The following SPIDR variants were observed in gnomAD, a reference collection of about 807,000 sequenced individuals.
SPIDR encodes the protein scaffold protein involved in DNA repair, also known as DNA repair-scaffolding protein.
SPIDR carries 93 observed loss-of-function variants against 104.6 expected under a neutral mutation model. The ratio of observed to expected loss-of-function variants is 0.89; its 90% CI spans 0.75 to 1.06. SPIDR has a LOEUF of 1.06. Ranked by LOEUF, SPIDR falls within the 50% of genes least tolerant of loss-of-function variation. The pLI, the probability that SPIDR is intolerant of heterozygous loss-of-function variation, is 0.00. For missense variants in SPIDR, 1,154 were observed against 1,111.2 expected, an observed-to-expected ratio of 1.04 and a Z score of -0.55; for synonymous variants, 431 against 416.9, an observed-to-expected ratio of 1.03 and a Z score of -0.41.
At chr8:47,420,170 T>C (rs1303983002) in intron 7 of SPIDR, among the ~76,000 whole-genome samples, 2 of 152,280 alleles carry the variant, frequency 1.3e-5, no homozygotes, top group East Asian at 3.9e-4. Flanking sequence ...TGGGTATCCT[T>C]GTTAACTTTG....
intron 14 of SPIDR, 145 bp downstream of exon 14, chr8:47,702,160 T>G: frequency 1.0e-6 from 1 of 1,003,092 alleles, no homozygotes; most frequent in South Asian, 1.4e-5. Context: ...TATTAAAGGG[T>G]AATCTCCTTT....
At chr8:47,268,061 G>T (rs2034467166) in intron 1 of SPIDR, among the ~76,000 whole-genome samples, 1 of 152,178 alleles carries the variant, frequency 6.6e-6, no homozygotes, top group African/African-American at 2.4e-5. Flanking sequence ...TGGATACCCA[G>T]TTGTTTCAAC....
At chr8:47,290,468 T>C (rs966171108) in intron 3 of SPIDR, among the ~76,000 whole-genome samples, 3 of 152,156 alleles carry the variant, frequency 2.0e-5, no homozygotes, top group South Asian at 2.1e-4. Flanking sequence ...TTGCAAGATA[T>C]TACCATTGGA....
chr8:47,526,014 G>A (rs181290099), intron 8 of SPIDR, among the ~76,000 whole-genome samples: 1 of 152,240 alleles, frequency 6.6e-6, no homozygotes, highest in African/African-American at 2.4e-5. Context: ...GTGTGGATCA[G>A]AAGGAATCCA....
intron 8 of SPIDR, among the ~76,000 whole-genome samples, chr8:47,573,530 G>T (rs945976227): frequency 1.3e-5 from 2 of 152,148 alleles, no homozygotes; most frequent in East Asian, 3.9e-4. Flanking sequence ...ACATGATGTC[G>T]GAGACCAGGG....
intron 7 of SPIDR, among the ~76,000 whole-genome samples, chr8:47,432,083 A>G (rs1336588117): frequency 6.6e-6 from 1 of 152,224 alleles, no homozygotes; most frequent in Non-Finnish European, 1.5e-5. Flanking sequence ...ATCATTAATA[A>G]CACAATCAAT....
intron 5 of SPIDR, among the ~76,000 whole-genome samples, chr8:47,301,146 A>G (rs2042010112): frequency 6.6e-6 from 1 of 152,162 alleles, no homozygotes. Context: ...TTGGGTGCAT[A>G]TATATTTAGG....
chr8:47,660,474 G>C (rs2073926615), intron 10 of SPIDR: 1 of 985,442 alleles, frequency 1.0e-6, no homozygotes, highest in East Asian at 1.1e-4. Context: ...GAAATGCACA[G>C]AATCAAAGTC....
chr8:47,442,385 A>G (rs1585775207), intron 8 of SPIDR, among the ~76,000 whole-genome samples: 1 of 152,238 alleles, frequency 6.6e-6, no homozygotes, highest in East Asian at 1.9e-4. Flanking sequence ...AATCCTGCCT[A>G]TTTTTCTATA....
rs1187910856 is a variant in SPIDR at position 47,585,419 on chromosome 8, ATT to A, written c.1098-10387_1098-10386del. ...GATTGATTAATGTTATACAATGTCT[ATT>A]TTTTATTAAATTTTTTATTTTTAGA... On this transcript the variant is annotated intron_variant, in intron 8 of 19. Coordinates refer to ENST00000297423, the MANE Select transcript of SPIDR (RefSeq NM_001080394.4). 2.6e-5 allele frequency among the ~76,000 whole-genome samples: 4 copies of A among 152,274 alleles called. No homozygotes were observed. The East Asian group carries it at 7.7e-4, about 29-fold the overall frequency.
At chr8:47,276,416 T>C (rs2036436846) in intron 1 of SPIDR, among the ~76,000 whole-genome samples, 1 of 152,188 alleles carries the variant, frequency 6.6e-6, no homozygotes, top group African/African-American at 2.4e-5. Context: ...ATATTTCTCT[T>C]TGTACATTAC....
chr8:47,655,224 T>C (rs2072520776), intron 10 of SPIDR, among the ~76,000 whole-genome samples: 1 of 152,164 alleles, frequency 6.6e-6, no homozygotes, highest in African/African-American at 2.4e-5. Flanking sequence ...TGATTTATAA[T>C]CCTTTGGGTA....
chr8:47,697,363 A>G (rs2079487130), intron 11 of SPIDR, among the ~76,000 whole-genome samples: 1 of 152,184 alleles, frequency 6.6e-6, no homozygotes, highest in South Asian at 2.1e-4. Context: ...ATTGTGGTAA[A>G]ATAACATACT....
At chr8:47,453,215 A>T (rs537943227) in intron 8 of SPIDR, among the ~76,000 whole-genome samples, 3 of 152,326 alleles carry the variant, frequency 2.0e-5, no homozygotes, top group African/African-American at 7.2e-5. Flanking sequence ...ATAAAAGAGG[A>T]TACAGACAAA....
rs147684232 is a variant in SPIDR, at chr8:47,365,905, A to G, written c.526-30471A>G. On this transcript the variant is annotated intron_variant, in intron 5 of 19. Transcript: ENST00000297423. Reference sequence around the variant, plus strand: ...GAAAAAAGAAAAGCAAAATGCATTTAATTTCTTGTGTGTGCTGCATAAATG... The same window carrying G: ...GAAAAAAGAAAAGCAAAATGCATTTGATTTCTTGTGTGTGCTGCATAAATG... Among the ~76,000 whole-genome samples the G allele has an allele frequency of 3.3e-5, 5 of 152,300 alleles. No individual in the cohort carries two copies. The East Asian group carries it at 9.7e-4, about 29-fold the overall frequency.
chr8:47,574,355 T>C (rs910398285), intron 8 of SPIDR, among the ~76,000 whole-genome samples: 1 of 152,254 alleles, frequency 6.6e-6, no homozygotes, highest in Admixed American at 6.5e-5. Context: ...TTTCCCTTTT[T>C]ATTCTCAGTT....
intron 17 of SPIDR, among the ~76,000 whole-genome samples, 165 bp downstream of exon 17, chr8:47,727,458 G>C (rs2084427173): frequency 6.6e-6 from 1 of 152,164 alleles, no homozygotes; most frequent in Non-Finnish European, 1.5e-5. Flanking sequence ...GGGCCCAGTG[G>C]GTTTTCCTTA....
At chr8:47,624,849 T>A (rs1326171895) in intron 10 of SPIDR, among the ~76,000 whole-genome samples, 2 of 152,074 alleles carry the variant, frequency 1.3e-5, no homozygotes, top group Non-Finnish European at 2.9e-5. Flanking sequence ...ACTATTCCAA[T>A]CAATAGAAAA....
intron 5 of SPIDR, among the ~76,000 whole-genome samples, chr8:47,334,605 G>A (rs993007568): frequency 6.6e-6 from 1 of 152,118 alleles, no homozygotes; most frequent in African/African-American, 2.4e-5. Flanking sequence ...ATGTTAGCAT[G>A]ATATATCTTT....
Sources: allele counts gnomAD v4.1 joint callset (sites outside exome capture counted in the v4.1 genomes callset), GRCh38; gene constraint gnomAD v4.1.1; transcripts MANE v1.5; gene names NCBI Gene and HGNC (gene_info 2026-07-23, HGNC 2026-07-21).